The following RCAN1 variants were observed in gnomAD, a reference collection of about 807,000 sequenced individuals.
RCAN1 encodes calcipressin-1.
In RCAN1, 11 loss-of-function variants were observed where a neutral mutation model predicts 22.9. That is an observed-to-expected ratio of 0.48 (90% CI 0.30 to 0.79). The LOEUF (loss-of-function observed/expected upper bound fraction) is 0.79. Ranked by LOEUF, RCAN1 falls within the 30% of genes least tolerant of loss-of-function variation. RCAN1 has a pLI of 0.06. For synonymous variants in RCAN1, 136 were observed against 142.3 expected (o/e 0.96, Z 0.32); for missense variants, 291 against 337.8 (o/e 0.86, Z 1.09).
At chr21:34,532,231 G>A (rs140384103) in intron 1 of RCAN1, among the ~76,000 whole-genome samples, 2 of 152,188 alleles carry the variant, frequency 1.3e-5, no homozygotes, top group African/African-American at 4.8e-5. Flanking sequence ...TATTAAGGGT[G>A]GGGGGGTTCC....
chr21:34,525,450 G>C lies in RCAN1; in HGVS notation c.253-1740C>G, dbSNP rs545505156. 6.6e-6 allele frequency: 9 copies of C among 1,370,012 alleles called. No homozygotes were observed. The African/African-American group carries it at 7.3e-5, about 11-fold the overall frequency. 84.9% of individuals were successfully genotyped at this position (1,370,012 alleles called of 1,614,324 possible). On this transcript the variant is annotated intron_variant, in intron 1 of 3. Transcript: ENST00000313806. ...CTCACTCTTTTTCCCCACCTCTCTT[G>C]AGCACGGGCAAGTTTCTGGCAAAAG...
chr21:34,558,320 A>G (rs1230908672), intron 1 of RCAN1, among the ~76,000 whole-genome samples: 1 of 152,198 alleles, frequency 6.6e-6, no homozygotes, highest in Non-Finnish European at 1.5e-5. Context: ...TCAGAGATGG[A>G]AAGGTTTGCC....
At chr21:34,567,553 TCA>T (rs1987071456) in intron 1 of RCAN1, among the ~76,000 whole-genome samples, 1 of 115,438 alleles carries the variant, frequency 8.7e-6, no homozygotes. Flanking sequence ...AGACTCCATC[TCA>T]AAAAAAAAAA....
chr21:34,537,580 T>C (rs1454442664), intron 1 of RCAN1, among the ~76,000 whole-genome samples: 1 of 152,206 alleles, frequency 6.6e-6, no homozygotes, highest in Non-Finnish European at 1.5e-5. Flanking sequence ...TCACTGTCTG[T>C]GGTCTACTCG....
chr21:34,591,997 T>G (rs1332383060), intron 1 of RCAN1, among the ~76,000 whole-genome samples: 1 of 152,222 alleles, frequency 6.6e-6, no homozygotes, highest in Non-Finnish European at 1.5e-5. Context: ...AGTCATGCCT[T>G]AAGAAAGCTG....
At chr21:34,557,075 T>C (rs1255043178) in intron 1 of RCAN1, among the ~76,000 whole-genome samples, 2 of 152,132 alleles carry the variant, frequency 1.3e-5, no homozygotes, top group Non-Finnish European at 2.9e-5. Context: ...TAGCTGGGTA[T>C]GGTGGTACAC....
intron 1 of RCAN1, among the ~76,000 whole-genome samples, chr21:34,581,683 C>T (rs910861448): frequency 6.6e-6 from 1 of 152,172 alleles, no homozygotes; most frequent in African/African-American, 2.4e-5. Context: ...CCATTGCCTA[C>T]AGGCCCTAAA....
intron 1 of RCAN1, among the ~76,000 whole-genome samples, chr21:34,591,675 C>T (rs1987978304): frequency 1.3e-5 from 2 of 152,224 alleles, no homozygotes; most frequent in African/African-American, 4.8e-5. Flanking sequence ...GGTTCTAATT[C>T]GATGATTAAA....
intron 1 of RCAN1, among the ~76,000 whole-genome samples, chr21:34,544,590 G>A (rs1986058139): frequency 6.6e-6 from 1 of 152,226 alleles, no homozygotes; most frequent in Non-Finnish European, 1.5e-5. Flanking sequence ...TTGTCACACA[G>A]CAATAGAAAA....
intron 1 of RCAN1, among the ~76,000 whole-genome samples, chr21:34,533,196 A>G (rs545864481): frequency 9.9e-5 from 15 of 152,142 alleles, no homozygotes; most frequent in Non-Finnish European, 1.8e-4. Context: ...TCCTGACCTC[A>G]TGATCTGCCT....
chr21:34,523,792 T>A, intron 1 of RCAN1, 82 bp from the exon 2 acceptor site: 1 of 1,255,740 alleles, frequency 8.0e-7, no homozygotes, highest in East Asian at 2.4e-5. Flanking sequence ...TACTTTTTTT[T>A]TTTTCTTCGA....
intron 1 of RCAN1, among the ~76,000 whole-genome samples, chr21:34,592,452 T>G (rs1988006101): frequency 6.6e-6 from 1 of 152,132 alleles, no homozygotes; most frequent in African/African-American, 2.4e-5. Context: ...ACATAAACAC[T>G]GGTCAGGAGG....
chr21:34,547,125 C>T (rs1371252173), intron 1 of RCAN1, among the ~76,000 whole-genome samples: 2 of 152,280 alleles, frequency 1.3e-5, no homozygotes, highest in African/African-American at 4.8e-5. Context: ...AGCCACTACC[C>T]CTGCCAAAAT....
chr21:34,521,059 G>T, intron 3 of RCAN1: 18 of 1,204,608 alleles, frequency 1.5e-5, no homozygotes, highest in Non-Finnish European at 1.9e-5. Flanking sequence ...CTTTAAGAAG[G>T]CCAGGTGAGA....
At chr21:34,565,501 G>A (rs548085062) in intron 1 of RCAN1, among the ~76,000 whole-genome samples, 5 of 152,196 alleles carry the variant, frequency 3.3e-5, no homozygotes, top group Non-Finnish European at 5.9e-5. Context: ...TGACACGCTG[G>A]TTGGGAAGGT....
At chr21:34,567,648 C>T (rs1452923499) in intron 1 of RCAN1, among the ~76,000 whole-genome samples, 1 of 151,836 alleles carries the variant, frequency 6.6e-6, no homozygotes, top group African/African-American at 2.4e-5. Flanking sequence ...AAAAATATTT[C>T]ACCACTCATG....
chr21:34,532,577 A>G (rs1165755686), intron 1 of RCAN1, among the ~76,000 whole-genome samples: 1 of 152,244 alleles, frequency 6.6e-6, no homozygotes, highest in Non-Finnish European at 1.5e-5. Flanking sequence ...TGCCAGCTAA[A>G]GAAACAAACT....
At chr21:34,568,303 T>A (rs567560935) in intron 1 of RCAN1, among the ~76,000 whole-genome samples, 27 of 152,320 alleles carry the variant, frequency 1.8e-4, no homozygotes, top group African/African-American at 6.0e-4. Context: ...CTACCTTTGA[T>A]GCAAATCTCC....
intron 1 of RCAN1, among the ~76,000 whole-genome samples, chr21:34,551,269 T>C (rs1986356858): frequency 1.3e-5 from 2 of 152,128 alleles, no homozygotes; most frequent in South Asian, 4.1e-4. Flanking sequence ...TGAAGGTCTG[T>C]GGCTGGCTTC....
Sources: allele counts gnomAD v4.1 joint callset (sites outside exome capture counted in the v4.1 genomes callset), GRCh38; gene constraint gnomAD v4.1.1; transcripts MANE v1.5; gene names NCBI Gene and HGNC (gene_info 2026-07-23, HGNC 2026-07-21).